Variants in DNHD1 observed in about 807,000 individuals in gnomAD.
DNHD1 encodes the protein dynein heavy chain domain-containing protein 1.
In DNHD1, 383 loss-of-function variants were observed where a neutral mutation model predicts 458.1. That is an observed-to-expected ratio of 0.84 (90% CI 0.77 to 0.91). The LOEUF is 0.91. Among genes scored for constraint, DNHD1 ranks in the 40% least tolerant of loss-of-function variants. DNHD1 has a pLI of 0.00. For synonymous variants in DNHD1, 2,203 were observed against 2,376.9 expected, an observed-to-expected ratio of 0.93 and a Z score of 2.13; for missense variants, 5,336 against 5,866.1, an observed-to-expected ratio of 0.91 and a Z score of 2.95.
At position 6,498,580 on chromosome 11, in the gene DNHD1, T is replaced by A. The variant is rs1459683401; in HGVS notation, c.365T>A (p.Leu122His). ...YCWAPWVQTH[L>H]HLDLLGAIVQ... ...TGGGCACCCTGGGTCCAAACCCACC[T>A]CCATCTGGACCTGCTAGGTGCCATT... The change falls in exon 3 of 43, where the codon CTC becomes CAC. Residue 122 changes from leucine (L) to histidine (H), a missense_variant. Coordinates refer to ENST00000254579, the MANE Select transcript of DNHD1 (RefSeq NM_144666.3). 6.2e-7 allele frequency: 1 copy of A among 1,614,106 alleles called. No homozygotes were observed. The highest frequency in any genetic ancestry group is 1.3e-5 in the African/African-American group (1 of 74,938).
At position 6,547,834 on chromosome 11, in the gene DNHD1, T is replaced by G. The variant is rs1222872747; in HGVS notation, c.6728-29T>G. ...ACCTTCCACCTTTTTCTACTGGGGC[T>G]CCTCTCGTGGCCATGGCAACTTTCA... On this transcript the variant is annotated intron_variant, in intron 21 of 42. Transcript: ENST00000254579. 6 of 1,549,954 alleles carry G rather than the reference T, an allele frequency of 3.9e-6. No individual in the cohort carries two copies. In the East Asian group the frequency reaches 9.8e-5, roughly 25 times the overall value.
chr11:6,538,415 G>T lies in DNHD1; in HGVS notation c.3031G>T (p.Gly1011Trp). ...GACTCCTGTGCCCTTGCCAATCTGT[G>T]GGACACGTCCTATTGTGCAGCAGCA... ...DETPVPLPIC[G>W]TRPIVQQQRI... Residue 1011 changes from glycine (G) to tryptophan (W), a missense_variant, in exon 15 of 43, where the codon GGG becomes TGG. Gly to Trp is a radical substitution (Grantham distance 184). Around this residue, in one of 4 missense-constraint regions of DNHD1, gnomAD observed 3,932 missense variants for 4,365.6 expected, o/e 0.90. Transcript: ENST00000254579. The T allele has an allele frequency of 6.4e-7, 1 of 1,551,748 alleles. No individual in the cohort carries two copies.
chr11:6,528,417 G>GTGTT (rs1202335997), intron 10 of DNHD1, 105 bp from the exon 11 acceptor site: 19 of 1,246,654 alleles, frequency 1.5e-5, no homozygotes, highest in Non-Finnish European at 2.1e-5. Context: ...GTGTGTGTGT[G>GTGTT]TGTGTGTGTG....
At chr11:6,569,959 T>C (rs1853801394) in intron 39 of DNHD1, 50 bp from the exon 40 acceptor site, 1 of 1,531,424 alleles carries the variant, frequency 6.5e-7, no homozygotes, top group African/African-American at 1.4e-5. Flanking sequence ...TTGACAGTCC[T>C]CAGCATATAG....
chr11:6,543,882 A>C (rs560958371), intron 18 of DNHD1, among the ~76,000 whole-genome samples: 1 of 141,226 alleles, frequency 7.1e-6, no homozygotes, highest in East Asian at 2.4e-4. Context: ...AATTGCTTGA[A>C]CCCAGGAAGC....
At chr11:6,525,279 G>A (rs563282761) in intron 10 of DNHD1, among the ~76,000 whole-genome samples, 19 of 152,234 alleles carry the variant, frequency 1.2e-4, no homozygotes, top group Admixed American at 2.6e-4. Flanking sequence ...CAAAATCTGC[G>A]TCATCTGTCT....
intron 24 of DNHD1, among the ~76,000 whole-genome samples, chr11:6,552,626 A>C (rs1853382017): frequency 6.6e-6 from 1 of 152,074 alleles, no homozygotes; most frequent in Admixed American, 6.6e-5. Context: ...AAGGGGAGGC[A>C]AGGCACATCT....
intron 12 of DNHD1, among the ~76,000 whole-genome samples, chr11:6,529,721 G>A (rs1054424326): frequency 6.6e-6 from 1 of 152,126 alleles, no homozygotes; most frequent in African/African-American, 2.4e-5. Flanking sequence ...AAGGCCGGTG[G>A]GCTGGCTTCT....
chr11:6,519,025 C>T (rs1380925067), intron 7 of DNHD1, among the ~76,000 whole-genome samples: 2 of 152,146 alleles, frequency 1.3e-5, no homozygotes, highest in Non-Finnish European at 2.9e-5. Context: ...AGAGCATTGG[C>T]AATTGTCAGC....
At position 6,544,817 on chromosome 11, in the gene DNHD1, A is replaced by G. The variant is rs1853172009; in HGVS notation, c.3878A>G (p.Asp1293Gly). The change falls in exon 21 of 43, where the codon GAC becomes GGC. Residue 1293 changes from aspartate (D) to glycine (G), a missense_variant. By Grantham distance (94) the Asp-to-Gly change is moderately conservative (BLOSUM62 -1). This residue lies in a region of DNHD1 where 3,932 missense variants were observed against 4,365.6 expected (regional missense o/e 0.90). Transcript: ENST00000254579. ...AACTCTCGTTTCAAGGTCATGGATGACCAGTATCGAACCCTGATGCGCATC... is the reference window on the plus strand; with the variant it reads ...AACTCTCGTTTCAAGGTCATGGATGGCCAGTATCGAACCCTGATGCGCATC... ...DLNSRFKVMD[D>G]QYRTLMRISV... The G allele has an allele frequency of 9.0e-6, 14 of 1,551,534 alleles. No individual in the cohort carries two copies. In the East Asian group the frequency reaches 3.4e-4, roughly 38 times the overall value.
chr11:6,550,105 A>G (rs1312039117), intron 24 of DNHD1, among the ~76,000 whole-genome samples: 3 of 152,244 alleles, frequency 2.0e-5, no homozygotes, highest in Non-Finnish European at 4.4e-5. Context: ...AATTTATTGA[A>G]TATCTACTAT....
At chr11:6,511,812 G>A (rs947827725) in intron 7 of DNHD1, among the ~76,000 whole-genome samples, 5 of 152,198 alleles carry the variant, frequency 3.3e-5, no homozygotes, top group Non-Finnish European at 7.3e-5. Context: ...GAAGGCCACT[G>A]TAGTTAGTGG....
chr11:6,516,261 C>G (rs1180931689), intron 7 of DNHD1, among the ~76,000 whole-genome samples: 1 of 149,838 alleles, frequency 6.7e-6, no homozygotes, highest in East Asian at 1.9e-4. Context: ...CATGTTTTCA[C>G]TCTCTTTTGT....
At chr11:6,526,319 A>G (rs1194494469) in intron 10 of DNHD1, among the ~76,000 whole-genome samples, 2 of 151,500 alleles carry the variant, frequency 1.3e-5, no homozygotes, top group African/African-American at 2.4e-5. Flanking sequence ...TCTAATTCTG[A>G]TATGTGTCCT....
At chr11:6,520,146 T>G in intron 9 of DNHD1, 44 bp downstream of exon 9, 2 of 1,613,724 alleles carry the variant, frequency 1.2e-6, no homozygotes, top group Non-Finnish European at 1.7e-6. Flanking sequence ...AATTCCCAGT[T>G]CCTATCCTCT....
rs749356454 is a variant in DNHD1 at position 6,559,114 on chromosome 11, TC to T, written c.9416+11del. ...TAAGAACAAGGCCCAGCGGTGAGTG[TC>T]CCGTCCCCTGCAGTGTACCTCCTTC... On this transcript the variant is annotated intron_variant, in intron 27 of 42. Transcript: ENST00000254579. 49 of 1,551,568 alleles carry T rather than the reference TC, an allele frequency of 3.2e-5. No individual in the cohort carries two copies. The South Asian group carries it at 5.8e-4, about 18-fold the overall frequency.
chr11:6,567,649 T>C lies in DNHD1; in HGVS notation c.12140T>C (p.Leu4047Pro). ...CAGAAGCTGATCCTGTGGCGCGTTC[T>C]GCGACCTGAGTGCCTGGCAGGTGCC... ...LLQKLILWRV[L>P]RPECLAGALA... is the part of the protein sequence containing the mutation. Residue 4047 changes from leucine to proline, a missense_variant, in exon 36 of 43, where the codon CTG becomes CCG. Around this residue, in one of 4 missense-constraint regions of DNHD1, gnomAD observed 695 missense variants for 804.2 expected, o/e 0.86. Coordinates refer to ENST00000254579, the MANE Select transcript of DNHD1 (RefSeq NM_144666.3). The C allele has an allele frequency of 6.2e-7, 1 of 1,613,934 alleles. No homozygotes were observed. Among genetic ancestry groups the C allele is most frequent in the Non-Finnish European group, 8.5e-7 (1 of 1,179,896 alleles).
At chr11:6,516,915 G>A (rs1191637530) in intron 7 of DNHD1, among the ~76,000 whole-genome samples, 1 of 151,978 alleles carries the variant, frequency 6.6e-6, no homozygotes, top group African/African-American at 2.4e-5. Context: ...TCTTCTTCAA[G>A]ATTGTTATGA....
chr11:6,550,911 C>T (rs532441268), intron 24 of DNHD1, among the ~76,000 whole-genome samples: 1 of 152,202 alleles, frequency 6.6e-6, no homozygotes, highest in East Asian at 1.9e-4. Context: ...AATCTGAAAT[C>T]ATATTAAGAA....
Sources: allele counts gnomAD v4.1 joint callset (sites outside exome capture counted in the v4.1 genomes callset), GRCh38; gene constraint gnomAD v4.1.1; regional missense constraint gnomAD v4.1.1; transcripts MANE v1.5; gene names NCBI Gene and HGNC (gene_info 2026-07-23, HGNC 2026-07-21).